Variants in ATP6V0B observed in about 807,000 individuals in gnomAD.
The protein encoded by ATP6V0B is V-type proton ATPase 21 kDa proteolipid subunit c''.
In ATP6V0B, 4 loss-of-function variants were observed where a neutral mutation model predicts 26.2. The observed-to-expected ratio is 0.15, with a 90% confidence interval of 0.08 to 0.35. The LOEUF is 0.35. ATP6V0B is among the 10% of genes least tolerant of loss of function. The pLI, the probability that ATP6V0B is intolerant of heterozygous loss-of-function variation, is 1.00. For missense variants in ATP6V0B, 175 were observed against 272.5 expected, an observed-to-expected ratio of 0.64 and a Z score of 2.52; for synonymous variants, 110 against 105.8, an observed-to-expected ratio of 1.04 and a Z score of -0.24.
Position 43,977,220 on chromosome 1 carries a change from A to G in ATP6V0B, c.591+4A>G, listed in dbSNP as rs200507663. The G allele has an allele frequency of 3.3e-5, 53 of 1,614,056 alleles. No homozygotes were observed. The Middle Eastern group carries it at 4.9e-4, about 15-fold the overall frequency. ...GGTCATCGTCGCAATTCTTCAGGTG[A>G]TGAATCCCCTTGGGAAGCCTCTGTG... On this transcript the variant is annotated splice_donor_region_variant and intron_variant, in intron 7 of 7. Coordinates refer to ENST00000472174, the MANE Select transcript of ATP6V0B (RefSeq NM_004047.5).
chr1:43,976,521 A>G lies in ATP6V0B; in HGVS notation c.279-69A>G. 1.3e-6 allele frequency: 2 copies of G among 1,586,480 alleles called. No homozygotes were observed. Among genetic ancestry groups the G allele is most frequent in the East Asian group, 4.5e-5 (2 of 44,678 alleles). ...AAAGATTGCTGGGGACTTACTGGGC[A>G]GGAAGGACGGTTTCTTTCTCATTTC... On this transcript the variant is annotated intron_variant, in intron 4 of 7. Coordinates refer to ENST00000472174, the MANE Select transcript of ATP6V0B (RefSeq NM_004047.5). This position sits in a 1 kb window ranked among gnomAD's most constrained non-coding sequence, Gnocchi z 4.6.
At position 43,976,081 on chromosome 1, in the gene ATP6V0B, C is replaced by A; in HGVS notation, c.117-9C>A. 1 of 1,613,662 alleles carries A rather than the reference C, an allele frequency of 6.2e-7. No individual in the cohort carries two copies. Among genetic ancestry groups the A allele is most frequent in the African/African-American group, 1.3e-5 (1 of 75,012 alleles). ...AGCTGAACTGCTTTCTTCTCTGCTT[C>A]CACAACAGGTTCCTGACGGAGACTT... On this transcript the variant is annotated splice_polypyrimidine_tract_variant and intron_variant, in intron 2 of 7. Transcript: ENST00000472174. This position sits in a 1 kb window ranked among gnomAD's most constrained non-coding sequence, Gnocchi z 4.6.
intron 2 of ATP6V0B, 102 bp downstream of exon 2, chr1:43,975,950 G>C (rs2085515024): frequency 6.6e-7 from 1 of 1,514,354 alleles, no homozygotes; most frequent in South Asian, 1.2e-5. Flanking sequence ...GCCTGCCTGG[G>C]ACATGGACCT....
At chr1:43,975,527 C>T (rs1280654967) in intron 1 of ATP6V0B, 6 of 572,422 alleles carry the variant, frequency 1.0e-5, no homozygotes, top group Admixed American at 3.5e-5. Flanking sequence ...CTGGCTGGAG[C>T]GCTTGCTCCC....
Position 43,977,997 on chromosome 1 carries a change from T to C in ATP6V0B, c.608T>C (p.Met203Thr). ...TTTTTGCAGACCTCCAGAGTGAAGA[T>C]GGGTGACTAGATGATATGTGTGGGT... ...VAILQTSRVK[M>T]GD The change falls in exon 8 of 8, where the codon ATG becomes ACG. Residue 203 changes from methionine (M) to threonine (T), a missense_variant. Physicochemically the swap from Met to Thr is moderately conservative, Grantham distance 81. Transcript: ENST00000472174. The C allele has an allele frequency of 6.2e-7, 1 of 1,614,218 alleles. No homozygotes were observed. Among genetic ancestry groups the C allele is most frequent in the Non-Finnish European group, 8.5e-7 (1 of 1,180,028 alleles).
chr1:43,976,281 A>G lies in ATP6V0B; in HGVS notation c.201-21A>G, dbSNP rs2085518936. 2 of 1,612,860 alleles carry G rather than the reference A, an allele frequency of 1.2e-6. No homozygotes were observed. Among genetic ancestry groups the G allele is most frequent in the Non-Finnish European group, 1.7e-6 (2 of 1,179,150 alleles). On this transcript the variant is annotated intron_variant, in intron 3 of 7. Transcript: ENST00000472174. The surrounding 1 kb of genome is among the most constrained non-coding windows in gnomAD (Gnocchi z 4.6). ...AGTGACAGCTTGGGCTCTGCTCATC[A>G]GTTTTTTATCCTTCCACCAGGGGCA...
chr1:43,976,507 G>A lies in ATP6V0B; in HGVS notation c.279-83G>A, dbSNP rs1226032721. Reference sequence around the variant, plus strand: ...GGATGTTATAGGGGAAAGATTGCTGGGGACTTACTGGGCAGGAAGGACGGT... The same window carrying A: ...GGATGTTATAGGGGAAAGATTGCTGAGGACTTACTGGGCAGGAAGGACGGT... On this transcript the variant is annotated intron_variant, in intron 4 of 7. Coordinates refer to ENST00000472174, the MANE Select transcript of ATP6V0B (RefSeq NM_004047.5). The surrounding 1 kb of genome is among the most constrained non-coding windows in gnomAD (Gnocchi z 4.6). 2 of 1,565,016 alleles carry A rather than the reference G, an allele frequency of 1.3e-6. No homozygotes were observed. Among genetic ancestry groups the A allele is most frequent in the African/African-American group, 1.4e-5 (1 of 73,728 alleles).
rs749598470 is a variant in ATP6V0B at position 43,976,212 on chromosome 1, G to T, written c.200+39G>T. The T allele has an allele frequency of 1.9e-6, 3 of 1,610,610 alleles. No individual in the cohort carries two copies. The highest frequency in any genetic ancestry group is 1.7e-6 in the Non-Finnish European group (2 of 1,176,900). On this transcript the variant is annotated intron_variant, in intron 3 of 7. Transcript: ENST00000472174. This position sits in a 1 kb window ranked among gnomAD's most constrained non-coding sequence, Gnocchi z 4.6. Reference sequence around the variant, plus strand: ...TGGTGGGACTGGGGGCAGGGGCTGAGTCATGGCAGGTGGTGTCACTGGGGT... The same window carrying T: ...TGGTGGGACTGGGGGCAGGGGCTGATTCATGGCAGGTGGTGTCACTGGGGT...
Position 43,977,154 on chromosome 1 carries a change from C to T in ATP6V0B, c.529C>T (p.Leu177Phe). 6.2e-7 allele frequency: 1 copy of T among 1,614,264 alleles called. No individual in the cohort carries two copies. Among genetic ancestry groups the T allele is most frequent in the Non-Finnish European group, 8.5e-7 (1 of 1,180,054 alleles). ...AQNPSLFVKI[L>F]IVEIFGSAIG... ...GAACCCCAGCCTCTTTGTAAAGATT[C>T]TCATCGTGGAGATCTTTGGCAGCGC... The change falls in exon 7 of 8, where the codon CTC becomes TTC. Residue 177 changes from leucine (L) to phenylalanine (F), a missense_variant. Physicochemically the swap from Leu to Phe is conservative, Grantham distance 22. This residue lies in a region of ATP6V0B where 97 missense variants were observed against 158.0 expected (regional missense o/e 0.61). Transcript: ENST00000472174.
chr1:43,976,474 G>C lies in ATP6V0B; in HGVS notation c.278+95G>C. 6.5e-7 allele frequency: 1 copy of C among 1,538,634 alleles called. No individual in the cohort carries two copies. The highest frequency in any genetic ancestry group is 1.1e-5 in the South Asian group (1 of 88,408). ...CATACTGTTTCTGACAAGCCACCTT[G>C]TGGGATGGGATGTTATAGGGGAAAG... On this transcript the variant is annotated intron_variant, in intron 4 of 7. Coordinates refer to ENST00000472174, the MANE Select transcript of ATP6V0B (RefSeq NM_004047.5). The surrounding 1 kb of genome is among the most constrained non-coding windows in gnomAD (Gnocchi z 4.6).
At chr1:43,977,800 C>T (rs542049768) in intron 7 of ATP6V0B, 181 bp from the exon 8 acceptor site, 13 of 1,546,638 alleles carry the variant, frequency 8.4e-6, no homozygotes, top group African/African-American at 5.4e-5. Context: ...TGTCCCACAG[C>T]GTAACTCTGT....
At chr1:43,975,147 C>A in intron 1 of ATP6V0B, 40 bp downstream of exon 1, 1 of 1,407,568 alleles carries the variant, frequency 7.1e-7, no homozygotes, top group East Asian at 2.9e-5. Flanking sequence ...GCATCGCGGC[C>A]GAGCTGGCCG....
intron 2 of ATP6V0B, 91 bp from the exon 3 acceptor site, chr1:43,975,999 T>G: frequency 6.6e-7 from 1 of 1,526,444 alleles, no homozygotes; most frequent in Non-Finnish European, 9.1e-7. Flanking sequence ...GTAGAACTGG[T>G]GGTGGGGTTG....
intron 1 of ATP6V0B, 130 bp from the exon 2 acceptor site, chr1:43,975,670 C>T: frequency 1.0e-6 from 1 of 995,848 alleles, no homozygotes. Context: ...CACAGCTGTA[C>T]TGTCACCTGG....
At chr1:43,977,310 A>C (rs765500181) in intron 7 of ATP6V0B, 94 bp downstream of exon 7, 2 of 1,606,812 alleles carry the variant, frequency 1.2e-6, no homozygotes, top group African/African-American at 1.3e-5. Flanking sequence ...TTCTCTACCT[A>C]TAACTATAGA....
chr1:43,977,667 G>C (rs557345809), intron 7 of ATP6V0B: 1 of 1,423,772 alleles, frequency 7.0e-7, no homozygotes, highest in South Asian at 1.5e-5. Flanking sequence ...TGTGTGTCTA[G>C]TCTGTCTGAC....
chr1:43,975,368 C>T (rs948052713), intron 1 of ATP6V0B: 3 of 571,302 alleles, frequency 5.3e-6, no homozygotes, highest in East Asian at 6.5e-5. Context: ...CCCTCGCTCC[C>T]ACGTCTCACT....
rs2085515339 is a variant in ATP6V0B at position 43,975,975 on chromosome 1, G to A, written c.117-115G>A. On this transcript the variant is annotated intron_variant, in intron 2 of 7. Coordinates refer to ENST00000472174, the MANE Select transcript of ATP6V0B (RefSeq NM_004047.5). ...GACATGGACCTTTGGGAAATACGCG[G>A]TCAGTTGTTGCCTGTAGAACTGGTG... is the stretch of plus-strand genomic sequence containing the variant. 6 of 1,513,116 alleles carry A rather than the reference G, an allele frequency of 4.0e-6. No homozygotes were observed. The South Asian group carries it at 6.9e-5, about 17-fold the overall frequency. The allele number at this position is 1,513,116 out of a possible 1,614,324, so 93.7% of individuals were successfully genotyped here. A position where few individuals can be genotyped will look rare whatever the true frequency, so the allele number is the denominator to read the frequency against.
intron 7 of ATP6V0B, chr1:43,977,741 G>C (rs1000572528): frequency 9.0e-6 from 13 of 1,445,712 alleles, no homozygotes; most frequent in Non-Finnish European, 1.2e-5. Flanking sequence ...GTGCTTGACT[G>C]AGTTGATTCT....
Sources: gnomAD v4.1 joint callset for allele counts on GRCh38, gnomAD v4.1.1 for gene constraint, gnomAD v4.1.1 regional missense constraint, Gnocchi (gnomAD v3.1) non-coding constraint, MANE v1.5 for transcripts, NCBI Gene and HGNC (gene_info 2026-07-23, HGNC 2026-07-21) for gene names.